Variants in PHF24 observed in about 807,000 individuals in gnomAD.
PHF24 encodes the protein Galpha inhibitory interacting protein.
PHF24 carries 25 observed loss-of-function variants against 42.6 expected under a neutral mutation model. That is an observed-to-expected ratio of 0.59 (90% CI 0.43 to 0.82). PHF24 has a LOEUF of 0.82. PHF24 is among the 40% of genes least tolerant of loss of function. The pLI, the probability that PHF24 is intolerant of heterozygous loss-of-function variation, is 0.00. For missense variants in PHF24, 470 were observed against 538.1 expected (o/e 0.87, Z 1.25); for synonymous variants, 185 against 204.8 (o/e 0.90, Z 0.83).
exon 8 of PHF24, chr9:34,982,124 A>G (rs1827413702): frequency 6.6e-6 from 1 of 152,214 alleles, no homozygotes; most frequent in Non-Finnish European, 1.5e-5. Context: ...TAAGAAGCCC[A>G]ATCACATTCC....
At chr9:34,915,120 C>T in the PHF24 span, among the ~76,000 whole-genome samples, 2 of 150,252 alleles carry the variant, frequency 1.3e-5, no homozygotes, top group South Asian at 4.2e-4. Context: ...GCAGCCTCGA[C>T]CTCCTGGGCT....
At chr9:34,670,219 A>G in the PHF24 span, among the ~76,000 whole-genome samples, 2 of 152,216 alleles carry the variant, frequency 1.3e-5, no homozygotes, top group Non-Finnish European at 2.9e-5. Flanking sequence ...CTAATTAAAC[A>G]CAGCACTTTC....
chr9:34,722,890 C>T, the PHF24 span, among the ~76,000 whole-genome samples: 1 of 152,124 alleles, frequency 6.6e-6, no homozygotes. Context: ...TGACCTTTAA[C>T]TTCAGTGCAC....
chr9:34,824,010 C>G, the PHF24 span, among the ~76,000 whole-genome samples: 386 of 152,318 alleles, frequency 2.5e-3, 2 homozygotes, highest in African/African-American at 7.3e-3. Flanking sequence ...TTGGGTGTTG[C>G]AAGAGTCTGG....
the PHF24 span, among the ~76,000 whole-genome samples, chr9:34,821,787 T>A: frequency 6.6e-6 from 1 of 152,324 alleles, no homozygotes; most frequent in East Asian, 1.9e-4. Context: ...ATCTCTCATT[T>A]TATATCCACC....
At chr9:34,852,764 T>C in the PHF24 span, among the ~76,000 whole-genome samples, 19 of 152,322 alleles carry the variant, frequency 1.2e-4, no homozygotes, top group African/African-American at 4.6e-4. Context: ...TTGTTTAGAT[T>C]GAATCTGACT....
the PHF24 span, among the ~76,000 whole-genome samples, chr9:34,859,100 G>A: frequency 1.3e-5 from 2 of 152,156 alleles, no homozygotes; most frequent in African/African-American, 4.8e-5. Context: ...GGTTTACACA[G>A]CTGTTTTTTA....
chr9:34,805,150 A>C, the PHF24 span, among the ~76,000 whole-genome samples: 1 of 152,218 alleles, frequency 6.6e-6, no homozygotes, highest in South Asian at 2.1e-4. Context: ...GGCTATTATA[A>C]ATAATGCTGC....
the PHF24 span, among the ~76,000 whole-genome samples, chr9:34,692,846 G>A: frequency 6.8e-6 from 1 of 147,878 alleles, no homozygotes; most frequent in African/African-American, 2.5e-5. Flanking sequence ...GAGTACAATG[G>A]CACGATCTTG....
the PHF24 span, among the ~76,000 whole-genome samples, chr9:34,820,160 A>G: frequency 6.7e-6 from 1 of 149,734 alleles, no homozygotes; most frequent in African/African-American, 2.4e-5. Flanking sequence ...ATAAATGTAT[A>G]TATTATATAT....
chr9:34,765,070 T>C, the PHF24 span, among the ~76,000 whole-genome samples: 3 of 151,992 alleles, frequency 2.0e-5, no homozygotes, highest in African/African-American at 7.3e-5. Flanking sequence ...AGAGACAGTT[T>C]GTTATAATTT....
At chr9:34,888,859 C>A in the PHF24 span, among the ~76,000 whole-genome samples, 3 of 152,216 alleles carry the variant, frequency 2.0e-5, no homozygotes, top group African/African-American at 7.2e-5. Context: ...TCTTTCAATG[C>A]ACCTAAAACA....
the PHF24 span, among the ~76,000 whole-genome samples, chr9:34,777,357 C>A: frequency 1.6e-3 from 238 of 152,218 alleles, no homozygotes; most frequent in African/African-American, 5.4e-3. Context: ...ATGTGATGGT[C>A]TGGGCAGGCC....
chr9:34,728,154 A>C, the PHF24 span: 1 of 1,386,450 alleles, frequency 7.2e-7, no homozygotes, highest in Non-Finnish European at 9.9e-7. Context: ...GCTGAATAGT[A>C]AGGCCTTTGA....
chr9:34,693,275 G>A, the PHF24 span, among the ~76,000 whole-genome samples: 2 of 152,132 alleles, frequency 1.3e-5, no homozygotes, highest in African/African-American at 4.8e-5. Context: ...TCTGCAGATA[G>A]CATTACTTAG....
the PHF24 span, chr9:34,689,980 G>C: frequency 4.3e-6 from 7 of 1,614,144 alleles, no homozygotes; most frequent in Non-Finnish European, 5.9e-6. This position sits in a 1 kb window ranked among gnomAD's most constrained non-coding sequence, Gnocchi z 4.1. Context: ...ACCCAGGGCT[G>C]GTCTGGGGGT....
the PHF24 span, among the ~76,000 whole-genome samples, chr9:34,681,579 G>C: frequency 7.2e-5 from 11 of 152,428 alleles, no homozygotes; most frequent in African/African-American, 2.6e-4. Context: ...GGGAGACCGA[G>C]GTGGGTGGAT....
the PHF24 span, among the ~76,000 whole-genome samples, chr9:34,910,365 C>CTA: frequency 1.3e-5 from 2 of 152,188 alleles, no homozygotes; most frequent in South Asian, 4.1e-4. Flanking sequence ...TCTGTTATTA[C>CTA]GTGCATACTC....
the PHF24 span, among the ~76,000 whole-genome samples, chr9:34,929,483 A>G: frequency 6.6e-6 from 1 of 152,224 alleles, no homozygotes; most frequent in Non-Finnish European, 1.5e-5. Flanking sequence ...AGCACCTAGC[A>G]CAGGGTCTAT....
Sources: allele counts gnomAD v4.1 joint callset (sites outside exome capture counted in the v4.1 genomes callset), GRCh38; gene constraint gnomAD v4.1.1; non-coding constraint Gnocchi (gnomAD v3.1); transcripts MANE v1.5; gene names NCBI Gene and HGNC (gene_info 2026-07-23, HGNC 2026-07-21).